The following LYRM4 variants were observed in gnomAD, a reference collection of about 807,000 sequenced individuals.
LYRM4 encodes LYR motif containing 4.
A neutral mutation model predicts 11.7 loss-of-function variants in LYRM4; 9 were observed. The observed-to-expected ratio is 0.77, with a 90% CI of 0.46 to 1.34. The LOEUF is 1.34. Ranked by LOEUF, LYRM4 falls within the 40% of genes most tolerant of loss-of-function variation. The probability of loss-of-function intolerance (pLI) is 0.00; values close to 1 mark genes in which losing one functional copy is unlikely to be tolerated. For missense variants in LYRM4, 133 were observed against 112.5 expected, an observed-to-expected ratio of 1.18 and a Z score of -0.82; for synonymous variants, 42 against 40.4, an observed-to-expected ratio of 1.04 and a Z score of -0.15.
At chr6:5,092,643 G>C in the LYRM4 span, among the ~76,000 whole-genome samples, 1 of 152,086 alleles carries the variant, frequency 6.6e-6, no homozygotes, top group Non-Finnish European at 1.5e-5. Context: ...CCTTGAACCC[G>C]GGAAGCAGAG....
intron 1 of LYRM4, among the ~76,000 whole-genome samples, chr6:5,236,645 C>A (rs900796364): frequency 7.2e-5 from 11 of 151,766 alleles, no homozygotes; most frequent in African/African-American, 2.7e-4. Context: ...ATAATAATCC[C>A]TCTAAAAAAA....
the LYRM4 span, chr6:5,085,508 TAA>T: frequency 6.5e-7 from 1 of 1,537,050 alleles, no homozygotes; most frequent in Non-Finnish European, 8.7e-7. Context: ...GGGGCGCGGC[TAA>T]GTTTGGAGGC....
the LYRM4 span, among the ~76,000 whole-genome samples, chr6:5,082,298 G>A: frequency 6.6e-6 from 1 of 152,124 alleles, no homozygotes; most frequent in South Asian, 2.1e-4. Context: ...TTGAATTATT[G>A]GACACCCTGT....
chr6:5,083,145 C>T, the LYRM4 span, among the ~76,000 whole-genome samples: 3 of 152,182 alleles, frequency 2.0e-5, no homozygotes, highest in African/African-American at 7.2e-5. Context: ...AAATTCTATG[C>T]CCCAGCACCT....
intron 2 of LYRM4, among the ~76,000 whole-genome samples, chr6:5,160,432 T>C (rs1313447555): frequency 1.3e-5 from 2 of 151,078 alleles, no homozygotes; most frequent in Non-Finnish European, 2.9e-5. Flanking sequence ...TGGTGGGAGG[T>C]AATTGAATCA....
intron 2 of LYRM4, among the ~76,000 whole-genome samples, chr6:5,135,640 C>T (rs1219785631): frequency 6.6e-6 from 1 of 152,110 alleles, no homozygotes; most frequent in Non-Finnish European, 1.5e-5. Flanking sequence ...AGGCCTGTCT[C>T]CTCCAAAGAC....
At chr6:5,086,737 T>A in the LYRM4 span, 1 of 616,084 alleles carries the variant, frequency 1.6e-6, no homozygotes, top group Non-Finnish European at 2.8e-6. Context: ...CGCAGACAAG[T>A]GAGCGAGCTT....
chr6:5,101,694 T>C (rs1228211378), downstream of LYRM4, among the ~76,000 whole-genome samples: 1 of 152,192 alleles, frequency 6.6e-6, no homozygotes, highest in Non-Finnish European at 1.5e-5. Flanking sequence ...AGCTAGTGGC[T>C]GGGCTGGGGT....
chr6:5,083,562 C>T, the LYRM4 span, among the ~76,000 whole-genome samples: 1 of 152,216 alleles, frequency 6.6e-6, no homozygotes, highest in South Asian at 2.1e-4. Context: ...CTTCAAATCC[C>T]ATGAAAGCCA....
chr6:5,217,320 C>A (rs569630773), intron 1 of LYRM4, among the ~76,000 whole-genome samples: 1 of 152,228 alleles, frequency 6.6e-6, no homozygotes, highest in East Asian at 1.9e-4. Flanking sequence ...TAGGCCAACA[C>A]GCTTTCTTTA....
In LYRM4 at chr6:5,260,800, A is replaced by T; in HGVS notation, c.-67T>A. 1.3e-6 allele frequency: 2 copies of T among 1,531,002 alleles called. No individual in the cohort carries two copies. Among genetic ancestry groups the T allele is most frequent in the Admixed American group, 4.0e-5 (2 of 49,820 alleles). The allele number at this position is 1,531,002 out of a possible 1,614,324, so 94.8% of individuals were successfully genotyped here. A position where few individuals can be genotyped will look rare whatever the true frequency, so the allele number is the denominator to read the frequency against. ...TCCCAAGTACGACCCAACCCACGAA[A>T]CTCCAGCCTGTGCGGAAACCACGAA... On this transcript the variant is annotated 5_prime_UTR_variant, in exon 1 of 3. Coordinates refer to ENST00000330636, the MANE Select transcript of LYRM4 (RefSeq NM_020408.6).
the LYRM4 span, among the ~76,000 whole-genome samples, chr6:5,092,384 C>T: frequency 1.3e-5 from 2 of 152,028 alleles, no homozygotes; most frequent in Non-Finnish European, 2.9e-5. Context: ...TCACTATTTC[C>T]CAGAAACTTT....
intron 1 of LYRM4, among the ~76,000 whole-genome samples, chr6:5,241,053 T>A (rs1763849489): frequency 6.6e-6 from 1 of 152,226 alleles, no homozygotes; most frequent in African/African-American, 2.4e-5. Context: ...TTACTTCTAT[T>A]CTATGAACTG....
At chr6:5,170,482 T>TTTTATTTATTTA (rs61679234) in intron 2 of LYRM4, among the ~76,000 whole-genome samples, 8 of 151,246 alleles carry the variant, frequency 5.3e-5, no homozygotes, top group African/African-American at 1.7e-4. Context: ...ACTTTATTTC[T>TTTTATTTATTTA]TTTATTTATT....
chr6:5,193,320 C>T (rs1055430827), intron 2 of LYRM4, among the ~76,000 whole-genome samples: 6 of 150,394 alleles, frequency 4.0e-5, no homozygotes, highest in Admixed American at 6.6e-5. Context: ...AAAAAAAAAA[C>T]GCCTTAGCTT....
intron 2 of LYRM4, among the ~76,000 whole-genome samples, chr6:5,157,178 C>A (rs903100670): frequency 6.6e-6 from 1 of 152,116 alleles, no homozygotes; most frequent in Non-Finnish European, 1.5e-5. Flanking sequence ...AGTTACTAAG[C>A]GAAAGCACTC....
At chr6:5,253,602 C>T (rs1581606348) in intron 1 of LYRM4, among the ~76,000 whole-genome samples, 1 of 152,234 alleles carries the variant, frequency 6.6e-6, no homozygotes, top group East Asian at 1.9e-4. Flanking sequence ...AGGTACAGTG[C>T]TGTGGTGGTT....
At chr6:5,246,572 G>T (rs755870446) in intron 1 of LYRM4, among the ~76,000 whole-genome samples, 14 of 152,322 alleles carry the variant, frequency 9.2e-5, no homozygotes, top group East Asian at 5.8e-4. Context: ...GTGCAGGGGG[G>T]ACTGAGAGTG....
intron 1 of LYRM4, among the ~76,000 whole-genome samples, chr6:5,245,876 C>G (rs1356221180): frequency 6.6e-6 from 1 of 152,144 alleles, no homozygotes; most frequent in African/African-American, 2.4e-5. Context: ...ATTTAAGAAG[C>G]TGAGAAAATG....
Sources: gnomAD v4.1 joint callset for allele counts (sites outside exome capture counted in the v4.1 genomes callset) on GRCh38, gnomAD v4.1.1 for gene constraint, MANE v1.5 for transcripts, NCBI Gene and HGNC (gene_info 2026-07-23, HGNC 2026-07-21) for gene names.